DNAAF11: variants seen among roughly 807,000 people sequenced by gnomAD.
The protein encoded by DNAAF11 is dynein axonemal assembly factor 11, also known as leucine rich repeat containing 6.
Under a neutral mutation model 60.8 loss-of-function variants are expected in DNAAF11, and 45 were observed. The observed-to-expected ratio is 0.74, with a 90% CI of 0.58 to 0.95. The LOEUF is 0.95. DNAAF11 is among the 40% of genes least tolerant of loss of function. The pLI, the probability that DNAAF11 is intolerant of heterozygous loss-of-function variation, is 0.00. For synonymous variants in DNAAF11, 191 were observed against 183.5 expected (o/e 1.04, Z -0.33); for missense variants, 546 against 546.2 (o/e 1.00, Z 0.00).
chr8:132,646,856 G>C (rs984522947), intron 3 of DNAAF11, among the ~76,000 whole-genome samples: 8 of 152,064 alleles, frequency 5.3e-5, no homozygotes, highest in African/African-American at 1.7e-4. Flanking sequence ...AGTCCTTAGA[G>C]ACCTACAAAG....
the DNAAF11 span, among the ~76,000 whole-genome samples, chr8:132,701,914 C>T: frequency 1.3e-5 from 2 of 152,206 alleles, no homozygotes; most frequent in African/African-American, 4.8e-5. Flanking sequence ...GGCCTGCTTT[C>T]ATATCTCATC....
At chr8:132,661,263 C>T (rs1043413870) in intron 2 of DNAAF11, among the ~76,000 whole-genome samples, 197 bp downstream of exon 2, 2 of 152,082 alleles carry the variant, frequency 1.3e-5, no homozygotes, top group Non-Finnish European at 2.9e-5. Flanking sequence ...CTCCCAACTC[C>T]TTGCTGGAAA....
At chr8:132,587,834 G>A (rs1037551126) in intron 10 of DNAAF11, among the ~76,000 whole-genome samples, 19 of 152,096 alleles carry the variant, frequency 1.2e-4, no homozygotes, top group African/African-American at 4.6e-4. Flanking sequence ...TGAAAGTTGG[G>A]AGTGAACACA....
rs554042234 is a variant in DNAAF11, at chr8:132,600,116, C to T, written c.1140+10050G>A. Among the ~76,000 whole-genome samples, 27 of 152,210 alleles carry T rather than the reference C, an allele frequency of 1.8e-4. 1 individual carries two copies. The highest frequency in any genetic ancestry group is 6.3e-4 in the African/African-American group (26 of 41,544). On this transcript the variant is annotated intron_variant, in intron 10 of 11. Coordinates refer to ENST00000620350, the MANE Select transcript of DNAAF11 (RefSeq NM_012472.6). ...CAATGTGCAAAAATCACAAGCATTCCTATACACCAATAACAGATGACAGAG... is the reference window on the plus strand; with the variant it reads ...CAATGTGCAAAAATCACAAGCATTCTTATACACCAATAACAGATGACAGAG...
intron 11 of DNAAF11, chr8:132,578,622 T>C: frequency 1.5e-6 from 1 of 661,790 alleles, no homozygotes; most frequent in South Asian, 2.1e-5. Context: ...TTCATTCCTT[T>C]TATCAAAAAA....
chr8:132,619,481 TG>T (rs1210384287), intron 7 of DNAAF11, among the ~76,000 whole-genome samples: 2 of 151,934 alleles, frequency 1.3e-5, no homozygotes, highest in Non-Finnish European at 2.9e-5. Context: ...AGGATGGTAC[TG>T]AACAATTTGA....
chr8:132,695,563 G>A, the DNAAF11 span, among the ~76,000 whole-genome samples: 7 of 152,092 alleles, frequency 4.6e-5, no homozygotes, highest in Non-Finnish European at 7.4e-5. Context: ...AGAAACGAAG[G>A]ACATCATCTA....
At chr8:132,597,230 C>T (rs1226018536) in intron 10 of DNAAF11, among the ~76,000 whole-genome samples, 1 of 152,120 alleles carries the variant, frequency 6.6e-6, no homozygotes, top group Non-Finnish European at 1.5e-5. Context: ...AAGAAAGATG[C>T]AGTTGATGGG....
intron 9 of DNAAF11, 80 bp downstream of exon 9, chr8:132,611,214 A>G: frequency 9.8e-7 from 1 of 1,022,850 alleles, no homozygotes; most frequent in South Asian, 1.4e-5. Context: ...TTTTAATAAT[A>G]CTTAAAAACA....
intron 10 of DNAAF11, among the ~76,000 whole-genome samples, chr8:132,606,699 GA>G (rs1233871466): frequency 6.6e-6 from 1 of 152,040 alleles, no homozygotes; most frequent in Non-Finnish European, 1.5e-5. Context: ...TATTTTTGTA[GA>G]AATTGGGCTT....
At chr8:132,695,465 G>A in the DNAAF11 span, among the ~76,000 whole-genome samples, 25 of 152,190 alleles carry the variant, frequency 1.6e-4, no homozygotes, top group Admixed American at 1.2e-3. Flanking sequence ...AAGGAAGGCA[G>A]AGTAGGAACA....
intron 1 of DNAAF11, among the ~76,000 whole-genome samples, chr8:132,661,973 T>C (rs1824185575): frequency 6.6e-6 from 1 of 152,208 alleles, no homozygotes; most frequent in African/African-American, 2.4e-5. Flanking sequence ...TTAAAATGGA[T>C]GAGATCCACT....
intron 2 of DNAAF11, among the ~76,000 whole-genome samples, chr8:132,657,327 T>C (rs926645097): frequency 5.3e-5 from 8 of 152,212 alleles, no homozygotes; most frequent in African/African-American, 1.4e-4. Flanking sequence ...GAAGGATCTA[T>C]ATTCCATGCT....
chr8:132,699,481 G>C, the DNAAF11 span, among the ~76,000 whole-genome samples: 10 of 152,184 alleles, frequency 6.6e-5, no homozygotes, highest in African/African-American at 2.4e-4. Flanking sequence ...GCTTTAGAGA[G>C]ATCACTGTAA....
At position 132,638,104 on chromosome 8, in the gene DNAAF11, CA is replaced by C. The variant is rs1222049298; in HGVS notation, c.259del (p.Cys87ValfsTer9). 6.2e-7 allele frequency: 1 copy of C among 1,611,550 alleles called. No individual in the cohort carries two copies. The highest frequency in any genetic ancestry group is 8.5e-7 in the Non-Finnish European group (1 of 1,179,270). On this transcript the variant is annotated frameshift_variant and splice_region_variant, in exon 4 of 12. Coordinates refer to ENST00000620350, the MANE Select transcript of DNAAF11 (RefSeq NM_012472.6). LOFTEE classifies it high-confidence loss of function. Reference sequence around the variant, plus strand: ...CAGGTCAAGTTTTGCCAGCTCTTCACATCCTGTTGAGAAAAATAAAGTGAAA... The same window carrying C: ...CAGGTCAAGTTTTGCCAGCTCTTCACTCCTGTTGAGAAAAATAAAGTGAAA... Reference protein sequence around the residue: ...NIEKIENLEGCEELAKLDLTV... With the variant: ...NIEKIENLEGXEELAKLDLTV...
At chr8:132,661,683 T>C (rs1190215410) in intron 1 of DNAAF11, 56 bp from the exon 2 acceptor site, 2 of 1,544,672 alleles carry the variant, frequency 1.3e-6, no homozygotes, top group Admixed American at 1.7e-5. Flanking sequence ...AATATAAGAT[T>C]ATTGTGTTGT....
At chr8:132,607,273 A>G (rs1256272091) in intron 10 of DNAAF11, among the ~76,000 whole-genome samples, 1 of 152,246 alleles carries the variant, frequency 6.6e-6, no homozygotes, top group East Asian at 1.9e-4. Flanking sequence ...AAAACGGTAG[A>G]GGAAGTACAG....
At chr8:132,694,757 T>G in the DNAAF11 span, among the ~76,000 whole-genome samples, 1 of 152,138 alleles carries the variant, frequency 6.6e-6, no homozygotes, top group Non-Finnish European at 1.5e-5. Context: ...ATTTTGAGAA[T>G]TAACTTTGGC....
the DNAAF11 span, among the ~76,000 whole-genome samples, chr8:132,698,387 G>A: frequency 2.0e-5 from 3 of 152,016 alleles, no homozygotes; most frequent in African/African-American, 7.3e-5. Flanking sequence ...GCCACCCCTT[G>A]CAAAGCTGCT....
Sources: gnomAD v4.1 joint callset for allele counts (sites outside exome capture counted in the v4.1 genomes callset) on GRCh38, gnomAD v4.1.1 for gene constraint, MANE v1.5 for transcripts, NCBI Gene and HGNC (gene_info 2026-07-23, HGNC 2026-07-21) for gene names.